Variants in MDFIC observed in about 807,000 individuals in gnomAD.
MDFIC encodes MyoD family inhibitor domain containing, also known as myoD family inhibitor domain-containing protein.
In MDFIC, 17 loss-of-function variants were observed where a neutral mutation model predicts 23.2. The ratio of observed to expected loss-of-function variants is 0.73; its 90% CI spans 0.50 to 1.10. The LOEUF (loss-of-function observed/expected upper bound fraction) is 1.10. MDFIC is among the 50% of genes least tolerant of loss of function. The pLI, the probability that MDFIC is intolerant of heterozygous loss-of-function variation, is 0.00. For synonymous variants in MDFIC, 120 were observed against 115.2 expected, an observed-to-expected ratio of 1.04 and a Z score of -0.27; for missense variants, 356 against 316.6, an observed-to-expected ratio of 1.12 and a Z score of -0.95.
chr7:114,998,029 T>G (rs759010007), intron 4 of MDFIC, among the ~76,000 whole-genome samples: 13 of 152,160 alleles, frequency 8.5e-5, no homozygotes, highest in Admixed American at 5.9e-4. Context: ...TTTGGGACGA[T>G]GAAAAATACA....
chr7:114,943,756 A>G (rs750740763), intron 3 of MDFIC, among the ~76,000 whole-genome samples: 1 of 152,240 alleles, frequency 6.6e-6, no homozygotes, highest in Non-Finnish European at 1.5e-5. Flanking sequence ...AGTGAGCACT[A>G]GAAGAAGTTC....
Position 114,979,682 on chromosome 7 carries a change from C to T in MDFIC, c.394C>T (p.His132Tyr). 1 of 1,614,024 alleles carries T rather than the reference C, an allele frequency of 6.2e-7. No homozygotes were observed. Among genetic ancestry groups the T allele is most frequent in the Admixed American group, 1.7e-5 (1 of 59,994 alleles). Reference protein sequence around the residue: ...KLSAPVSQKMHRKIQSSLSVN... With the variant: ...KLSAPVSQKMYRKIQSSLSVN... The stretch of plus-strand genomic sequence containing the variant: ...TTCAGCACCTGTTTCTCAAAAAATG[C>T]ATAGAAAAATTCAGTCCAGCTTGTC... The change falls in exon 4 of 5, where the codon CAT becomes TAT. Residue 132 changes from histidine (H) to tyrosine (Y), a missense_variant. Transcript: ENST00000393486.
At chr7:115,013,079 C>T (rs761346005) in intron 4 of MDFIC, among the ~76,000 whole-genome samples, 6 of 152,110 alleles carry the variant, frequency 3.9e-5, no homozygotes, top group South Asian at 2.1e-4. Flanking sequence ...TACAGCTACA[C>T]GAATCAACAT....
Position 114,942,378 on chromosome 7 carries a change from G to T in MDFIC, c.198G>T (p.Ser66=). 4 of 1,600,772 alleles carry T rather than the reference G, an allele frequency of 2.5e-6. No individual in the cohort carries two copies. The highest frequency in any genetic ancestry group is 3.4e-6 in the Non-Finnish European group (4 of 1,173,958). ...ACCAGTCCATTTGGGGAAATCCTTCGGATGGTGAACTCATTAGAAGTAAGT... is the reference window on the plus strand; with the variant it reads ...ACCAGTCCATTTGGGGAAATCCTTCTGATGGTGAACTCATTAGAAGTAAGT... ...MQDQSIWGNP[S]DGELIRTQPQ... The change falls in exon 3 of 5, where the codon TCG becomes TCT. Residue 66 remains serine, a synonymous_variant. Coordinates refer to ENST00000393486, the MANE Select transcript of MDFIC (RefSeq NM_001166345.3).
intron 4 of MDFIC, among the ~76,000 whole-genome samples, chr7:115,010,546 A>C (rs1334938387): frequency 1.3e-5 from 2 of 152,182 alleles, no homozygotes; most frequent in East Asian, 3.8e-4. Flanking sequence ...ACTTCTGTAG[A>C]TACATGTTGT....
At chr7:115,001,265 A>C (rs1791461739) in intron 4 of MDFIC, among the ~76,000 whole-genome samples, 1 of 152,216 alleles carries the variant, frequency 6.6e-6, no homozygotes, top group South Asian at 2.1e-4. Context: ...TTGAAAGAAA[A>C]GAGCAAAATG....
intron 4 of MDFIC, among the ~76,000 whole-genome samples, chr7:114,988,568 G>A (rs932672457): frequency 6.6e-6 from 1 of 152,164 alleles, no homozygotes; most frequent in Non-Finnish European, 1.5e-5. Context: ...CTAAATCTGG[G>A]TAGATTTGGA....
At chr7:114,979,942 G>T (rs1258164862) in intron 4 of MDFIC, 161 bp downstream of exon 4, 2 of 855,736 alleles carry the variant, frequency 2.3e-6, no homozygotes, top group Non-Finnish European at 3.8e-6. Flanking sequence ...GAAAGCACAA[G>T]ATAGAAAAGG....
intron 4 of MDFIC, among the ~76,000 whole-genome samples, chr7:115,003,084 G>A (rs920648535): frequency 1.1e-4 from 16 of 152,254 alleles, no homozygotes; most frequent in African/African-American, 3.4e-4. Context: ...CAGAGTATCT[G>A]ACACAACCTC....
chr7:114,954,057 T>A (rs1792835083), intron 3 of MDFIC, among the ~76,000 whole-genome samples: 1 of 152,206 alleles, frequency 6.6e-6, no homozygotes, highest in African/African-American at 2.4e-5. Flanking sequence ...CTCAGACTGA[T>A]GTAGAGCTTC....
intron 3 of MDFIC, among the ~76,000 whole-genome samples, chr7:114,971,855 T>C (rs1389962010): frequency 6.6e-6 from 1 of 152,192 alleles, no homozygotes; most frequent in Non-Finnish European, 1.5e-5. Flanking sequence ...TATCACATCA[T>C]AGTTTTTCTG....
intron 3 of MDFIC, among the ~76,000 whole-genome samples, chr7:114,955,851 T>G (rs1792873636): frequency 1.3e-5 from 2 of 152,202 alleles, no homozygotes; most frequent in East Asian, 3.8e-4. Flanking sequence ...TTTTTACAGT[T>G]AATGAAGTTT....
intron 3 of MDFIC, among the ~76,000 whole-genome samples, chr7:114,947,538 A>G (rs1222711381): frequency 6.6e-6 from 1 of 152,174 alleles, no homozygotes; most frequent in Admixed American, 6.5e-5. Flanking sequence ...GTATTCTAGC[A>G]TGGAGGTCAA....
intron 4 of MDFIC, 37 bp downstream of exon 4, chr7:114,979,818 A>T: frequency 6.3e-7 from 1 of 1,579,478 alleles, no homozygotes; most frequent in Non-Finnish European, 8.7e-7. Flanking sequence ...ATTTGACCAG[A>T]TGTAAAATAA....
At chr7:115,012,484 T>C (rs1239559732) in intron 4 of MDFIC, among the ~76,000 whole-genome samples, 2 of 152,118 alleles carry the variant, frequency 1.3e-5, no homozygotes, top group Non-Finnish European at 2.9e-5. Context: ...TGGGAGTAAA[T>C]TTTGGAGCAA....
At chr7:114,932,041 T>A (rs1191870079) in intron 2 of MDFIC, among the ~76,000 whole-genome samples, 1 of 152,230 alleles carries the variant, frequency 6.6e-6, no homozygotes, top group African/African-American at 2.4e-5. Flanking sequence ...TAGTTCTTAT[T>A]TCTTTCATTA....
intron 4 of MDFIC, among the ~76,000 whole-genome samples, chr7:114,994,400 A>G (rs1791266805): frequency 6.6e-6 from 1 of 152,186 alleles, no homozygotes; most frequent in Non-Finnish European, 1.5e-5. Context: ...TTATGACATT[A>G]GCTGGTTATT....
At chr7:114,958,315 T>TTTACCATATAA (rs1465529902) in intron 3 of MDFIC, among the ~76,000 whole-genome samples, 2 of 152,238 alleles carry the variant, frequency 1.3e-5, no homozygotes, top group South Asian at 4.1e-4. Flanking sequence ...TAAGACCATA[T>TTTACCATATAA]GTAAGCACAG....
rs367602602 is a variant in MDFIC, at chr7:114,973,101, G to GTGTATATATA, written c.218-6404_218-6403insGTATATATAT. Among the ~76,000 whole-genome samples, 37 of 147,746 alleles carry GTGTATATATA rather than the reference G, an allele frequency of 2.5e-4. 1 individual carries two copies. The highest frequency in any genetic ancestry group is 9.0e-4 in the African/African-American group (36 of 40,200). On this transcript the variant is annotated intron_variant, in intron 3 of 4. Transcript: ENST00000393486. ...GGCAGTTTATGTATCGTGTGTGTGT[G>GTGTATATATA]TATATATATATATATATATATGAAT...
Sources: allele counts gnomAD v4.1 joint callset (sites outside exome capture counted in the v4.1 genomes callset), GRCh38; gene constraint gnomAD v4.1.1; transcripts MANE v1.5; gene names NCBI Gene and HGNC (gene_info 2026-07-23, HGNC 2026-07-21).